CNTN5: variants seen among roughly 807,000 people sequenced by gnomAD.
The protein encoded by CNTN5 is contactin-5.
A neutral mutation model predicts 129.1 loss-of-function variants in CNTN5; 77 were observed. The ratio of observed to expected loss-of-function variants is 0.60; its 90% CI spans 0.50 to 0.72. The LOEUF (loss-of-function observed/expected upper bound fraction) is 0.72. CNTN5 is among the 30% of genes least tolerant of loss of function. CNTN5 has a pLI of 0.00. For missense variants in CNTN5, 1,478 were observed against 1,328.8 expected, an observed-to-expected ratio of 1.11 and a Z score of -1.75; for synonymous variants, 509 against 465.6, an observed-to-expected ratio of 1.09 and a Z score of -1.20.
rs540567614 is a variant in CNTN5 at position 99,823,235 on chromosome 11, A to C, written c.277+3470A>C. Among the ~76,000 whole-genome samples the C allele has an allele frequency of 2.7e-4, 41 of 152,260 alleles. 1 individual carries two copies. The South Asian group carries it at 8.3e-3, about 31-fold the overall frequency. On this transcript the variant is annotated intron_variant, in intron 4 of 24. Transcript: ENST00000524871. ...TCATTTTCTGGGTTTCCTTTCTACT[A>C]TTTTAACTGTAATTCTATATTTCTG... is the stretch of plus-strand genomic sequence containing the variant.
intron 13 of CNTN5, among the ~76,000 whole-genome samples, chr11:100,083,035 G>T (rs1165243117): frequency 9.2e-5 from 14 of 152,062 alleles, no homozygotes; most frequent in Non-Finnish European, 1.3e-4. Context: ...AGATAAGAAG[G>T]CTGGGTGCAG....
intron 1 of CNTN5, among the ~76,000 whole-genome samples, chr11:99,058,572 A>T (rs1470285829): frequency 1.3e-5 from 2 of 151,940 alleles, no homozygotes; most frequent in East Asian, 3.9e-4. Flanking sequence ...AATTTCAGAG[A>T]TCTTTGCTTC....
rs575531667 is a variant in CNTN5 at position 99,290,964 on chromosome 11, A to C, written c.-209-34382A>C. 7.9e-5 allele frequency among the ~76,000 whole-genome samples: 12 copies of C among 151,976 alleles called. No homozygotes were observed. In the South Asian group the frequency reaches 2.5e-3, roughly 32 times the overall value. ...CTTGATATTCTATCTAATATACTCTATGATGTGTTAGAATACATTAATAGG... is the reference window on the plus strand; with the variant it reads ...CTTGATATTCTATCTAATATACTCTCTGATGTGTTAGAATACATTAATAGG... On this transcript the variant is annotated intron_variant, in intron 1 of 24. Transcript: ENST00000524871.
Position 99,963,397 on chromosome 11 carries a change from A to T in CNTN5, c.877+6388A>T, listed in dbSNP as rs544556479. On this transcript the variant is annotated intron_variant, in intron 8 of 24. Transcript: ENST00000524871. Reference sequence around the variant, plus strand: ...CATATGGCTAGCCAGTTTTCCCAGCACCATTTATTAAATAGGGAATCCTTT... The same window carrying T: ...CATATGGCTAGCCAGTTTTCCCAGCTCCATTTATTAAATAGGGAATCCTTT... Among the ~76,000 whole-genome samples the T allele has an allele frequency of 4.7e-3, 716 of 152,212 alleles. 5 individuals are homozygous for T. The highest frequency in any genetic ancestry group is 0.015 in the African/African-American group (641 of 41,524).
At chr11:99,850,215 T>C (rs1947829394) in intron 6 of CNTN5, among the ~76,000 whole-genome samples, 1 of 152,120 alleles carries the variant, frequency 6.6e-6, no homozygotes, top group Non-Finnish European at 1.5e-5. Flanking sequence ...TACTAACATA[T>C]TTTTTCTTTT....
At chr11:99,064,969 A>C (rs1865041819) in intron 1 of CNTN5, among the ~76,000 whole-genome samples, 1 of 152,022 alleles carries the variant, frequency 6.6e-6, no homozygotes. Flanking sequence ...AATAAAAAGT[A>C]TTCTTTTTTA....
intron 7 of CNTN5, among the ~76,000 whole-genome samples, chr11:99,934,950 AC>A (rs1950281733): frequency 4.6e-5 from 1 of 21,912 alleles, no homozygotes; most frequent in Non-Finnish European, 7.8e-5. Context: ...ATATATATAC[AC>A]ACACATATAT....
intron 3 of CNTN5, among the ~76,000 whole-genome samples, chr11:99,737,774 A>C (rs962177811): frequency 1.3e-5 from 2 of 152,102 alleles, no homozygotes; most frequent in African/African-American, 4.8e-5. Flanking sequence ...TGAGTCCCTA[A>C]TGTAGATTTG....
chr11:99,516,550 C>T (rs898460742), intron 2 of CNTN5, among the ~76,000 whole-genome samples: 4 of 152,068 alleles, frequency 2.6e-5, no homozygotes, highest in African/African-American at 7.2e-5. Flanking sequence ...CACATACATG[C>T]TTACGCACGG....
intron 8 of CNTN5, among the ~76,000 whole-genome samples, chr11:99,976,704 C>T (rs1193883448): frequency 1.3e-5 from 2 of 152,192 alleles, no homozygotes; most frequent in Non-Finnish European, 2.9e-5. Flanking sequence ...CGAGGCTGCA[C>T]AGTGCAACTG....
chr11:99,404,419 C>T (rs1383751309), intron 2 of CNTN5, among the ~76,000 whole-genome samples: 5 of 151,508 alleles, frequency 3.3e-5, no homozygotes, highest in African/African-American at 7.3e-5. Context: ...TTGTGGTCTT[C>T]TCTTTTTTTG....
chr11:99,064,480 A>G (rs916838817), intron 1 of CNTN5, among the ~76,000 whole-genome samples: 1 of 152,148 alleles, frequency 6.6e-6, no homozygotes, highest in Admixed American at 6.6e-5. Context: ...ATCAGAGAAC[A>G]GTCAAAAGGC....
chr11:99,849,025 A>G (rs1052662570), intron 6 of CNTN5, among the ~76,000 whole-genome samples: 3 of 152,126 alleles, frequency 2.0e-5, no homozygotes, highest in African/African-American at 4.8e-5. Flanking sequence ...GTGTGATTCT[A>G]TAACTTGTTG....
intron 1 of CNTN5, among the ~76,000 whole-genome samples, chr11:99,275,861 G>A (rs1863402417): frequency 6.6e-6 from 1 of 151,618 alleles, no homozygotes; most frequent in South Asian, 2.1e-4. Flanking sequence ...GACCAAAAAA[G>A]TTACAAGGCC....
At chr11:99,952,133 C>A (rs971770866) in intron 7 of CNTN5, among the ~76,000 whole-genome samples, 1 of 152,118 alleles carries the variant, frequency 6.6e-6, no homozygotes, top group South Asian at 2.1e-4. Context: ...TTCAGGTTGT[C>A]CCTCATGCTC....
intron 2 of CNTN5, among the ~76,000 whole-genome samples, chr11:99,372,467 C>T (rs1939881966): frequency 6.6e-6 from 1 of 152,096 alleles, no homozygotes; most frequent in Non-Finnish European, 1.5e-5. Flanking sequence ...AGTGTTAAAA[C>T]AATCTAAAGG....
chr11:99,846,580 T>C (rs1947706208), intron 6 of CNTN5, among the ~76,000 whole-genome samples: 1 of 152,000 alleles, frequency 6.6e-6, no homozygotes, highest in South Asian at 2.1e-4. Flanking sequence ...TAGGAATCTT[T>C]ATATTAATAA....
intron 2 of CNTN5, among the ~76,000 whole-genome samples, chr11:99,376,755 A>G (rs1940209100): frequency 1.3e-5 from 2 of 152,196 alleles, no homozygotes; most frequent in African/African-American, 2.4e-5. Flanking sequence ...TGATGCCCTT[A>G]TTCGATGAAT....
rs765949472 is a variant in CNTN5, at chr11:99,583,262, T to TC, written c.55+26993_55+26994insC. ...TGGGGGTGCCTCCCAGTTAGGCTAC[T>TC]TGGGGGTCAGGGACCCACTTGAGGA... On this transcript the variant is annotated intron_variant, in intron 3 of 24. Coordinates refer to ENST00000524871, the MANE Select transcript of CNTN5 (RefSeq NM_014361.4). 3.2e-3 allele frequency among the ~76,000 whole-genome samples: 485 copies of TC among 152,332 alleles called. 1 individual carries two copies. Among genetic ancestry groups the TC allele is most frequent in the African/African-American group, 0.011 (472 of 41,572 alleles).
Sources: allele counts gnomAD v4.1 joint callset (sites outside exome capture counted in the v4.1 genomes callset), GRCh38; gene constraint gnomAD v4.1.1; transcripts MANE v1.5; gene names NCBI Gene and HGNC (gene_info 2026-07-23, HGNC 2026-07-21).